The following ROBO2 variants were observed in gnomAD, a reference collection of about 807,000 sequenced individuals.
ROBO2 encodes the protein roundabout homolog 2.
A neutral mutation model predicts 160.8 loss-of-function variants in ROBO2; 53 were observed. That is an observed-to-expected ratio of 0.33 (90% CI 0.26 to 0.41). The LOEUF is 0.41. Among genes scored for constraint, ROBO2 ranks in the 10% least tolerant of loss-of-function variants. The pLI is 1.00. For missense variants in ROBO2, 1,577 were observed against 1,722.4 expected (o/e 0.92, Z 1.49); for synonymous variants, 664 against 611.7 (o/e 1.09, Z -1.26).
At chr3:77,029,755 G>A (rs2063196630) in intron 2 of ROBO2, among the ~76,000 whole-genome samples, 1 of 151,996 alleles carries the variant, frequency 6.6e-6, no homozygotes, top group African/African-American at 2.4e-5. Flanking sequence ...ATACAATTAA[G>A]TTATAATCAG....
chr3:76,194,350 GTAAATATATATATATA>G lies in ROBO2; in HGVS notation c.109+256751_109+256766del, dbSNP rs1445375841. Among the ~76,000 whole-genome samples, 72 of 42,058 alleles carry G rather than the reference GTAAATATATATATATA, an allele frequency of 1.7e-3. 1 individual carries two copies. Among genetic ancestry groups the G allele is most frequent in the Middle Eastern group, 0.012 (1 of 84 alleles). 27.6% of individuals were successfully genotyped at this position (42,058 alleles called of 152,430 possible). ...ATATCTATATAAATATGTATGGTGT[GTAAATATATATATATA>G]TATATATATATATATATATAGTGTG... On this transcript the variant is annotated intron_variant, in intron 2 of 26. Transcript: ENST00000487694.
intron 2 of ROBO2, among the ~76,000 whole-genome samples, chr3:76,527,020 T>C (rs899225271): frequency 6.6e-6 from 1 of 152,088 alleles, no homozygotes; most frequent in Non-Finnish European, 1.5e-5. Context: ...AAAAGGAAAT[T>C]GCTTTATATA....
intron 2 of ROBO2, among the ~76,000 whole-genome samples, chr3:76,432,793 A>G (rs1369236811): frequency 1.3e-5 from 2 of 152,216 alleles, no homozygotes; most frequent in African/African-American, 2.4e-5. Flanking sequence ...GCATAACCGA[A>G]AAAACAGGGC....
At chr3:77,269,116 AT>A (rs201503966) in intron 2 of ROBO2, among the ~76,000 whole-genome samples, 5 of 106,504 alleles carry the variant, frequency 4.7e-5, no homozygotes, top group Admixed American at 2.9e-4. Context: ...AGGTTTCATA[AT>A]TTTTTTTTCC....
chr3:76,757,469 CAG>C (rs1265795038), intron 2 of ROBO2, among the ~76,000 whole-genome samples: 10 of 151,888 alleles, frequency 6.6e-5, no homozygotes, highest in African/African-American at 2.2e-4. Context: ...GTAAAGAAAA[CAG>C]GGGGATGAGT....
chr3:76,603,555 G>A (rs1247579745), intron 2 of ROBO2, among the ~76,000 whole-genome samples: 1 of 151,346 alleles, frequency 6.6e-6, no homozygotes, highest in Non-Finnish European at 1.5e-5. Flanking sequence ...ATGAATAGAT[G>A]GAGTTTTTTT....
intron 2 of ROBO2, among the ~76,000 whole-genome samples, chr3:75,960,435 G>A (rs1197305194): frequency 1.3e-5 from 2 of 151,786 alleles, no homozygotes; most frequent in Non-Finnish European, 2.9e-5. Flanking sequence ...AAGGCTGGAT[G>A]TGCTGGAAGC....
chr3:76,616,938 T>C (rs745378437), intron 2 of ROBO2, among the ~76,000 whole-genome samples: 2 of 152,132 alleles, frequency 1.3e-5, no homozygotes, highest in Non-Finnish European at 2.9e-5. Flanking sequence ...AAAGTTCTTA[T>C]TGTGGCTCAG....
At chr3:76,143,272 C>T (rs2071756159) in intron 2 of ROBO2, among the ~76,000 whole-genome samples, 3 of 152,006 alleles carry the variant, frequency 2.0e-5, no homozygotes, top group African/African-American at 4.8e-5. Context: ...CTCAAGGAGT[C>T]GTCTCTCCTC....
chr3:76,390,185 T>A (rs2077079451), intron 2 of ROBO2, among the ~76,000 whole-genome samples: 1 of 151,746 alleles, frequency 6.6e-6, no homozygotes, highest in Non-Finnish European at 1.5e-5. Context: ...CCCCACACCC[T>A]CCCCCACAAA....
intron 2 of ROBO2, among the ~76,000 whole-genome samples, chr3:77,249,505 G>A (rs192469058): frequency 7.2e-4 from 109 of 152,186 alleles, no homozygotes; most frequent in Non-Finnish European, 1.3e-3. Context: ...ACCTTTAAGA[G>A]GTCCTTAGCT....
intron 2 of ROBO2, among the ~76,000 whole-genome samples, chr3:77,108,632 G>A (rs991866979): frequency 9.2e-5 from 14 of 152,120 alleles, no homozygotes; most frequent in African/African-American, 3.1e-4. Flanking sequence ...TGGTGATGTA[G>A]GGTAGGGGCC....
At chr3:76,216,662 A>G (rs1703554962) in intron 2 of ROBO2, among the ~76,000 whole-genome samples, 1 of 152,314 alleles carries the variant, frequency 6.6e-6, no homozygotes, top group East Asian at 1.9e-4. Context: ...TCATAAAGCA[A>G]GTCCTTAGAG....
intron 2 of ROBO2, among the ~76,000 whole-genome samples, chr3:76,242,269 T>G (rs909057254): frequency 5.3e-5 from 8 of 152,174 alleles, no homozygotes; most frequent in African/African-American, 1.9e-4. Flanking sequence ...AAAACACAAC[T>G]GCCCCCTTCT....
At chr3:77,524,480 T>C (rs1232815263) in intron 6 of ROBO2, among the ~76,000 whole-genome samples, 1 of 151,268 alleles carries the variant, frequency 6.6e-6, no homozygotes, top group East Asian at 1.9e-4. Context: ...CTAAAGTAAA[T>C]GGAAAATAAT....
At chr3:76,287,763 A>C (rs1396944243) in intron 2 of ROBO2, among the ~76,000 whole-genome samples, 1 of 152,248 alleles carries the variant, frequency 6.6e-6, no homozygotes, top group East Asian at 1.9e-4. Context: ...TAAAATAAAG[A>C]TGATCAATCT....
intron 2 of ROBO2, among the ~76,000 whole-genome samples, chr3:75,991,520 G>A (rs2065569587): frequency 6.6e-6 from 1 of 152,122 alleles, no homozygotes. Flanking sequence ...CACCATGACT[G>A]TGAGGCCTCC....
chr3:77,619,309 G>C (rs1165224104), intron 22 of ROBO2, among the ~76,000 whole-genome samples: 1 of 152,148 alleles, frequency 6.6e-6, no homozygotes, highest in Non-Finnish European at 1.5e-5. Context: ...CCAAGTACAA[G>C]TTTCAAGGGT....
intron 2 of ROBO2, among the ~76,000 whole-genome samples, chr3:77,441,737 A>G (rs557054817): frequency 1.3e-5 from 2 of 152,294 alleles, no homozygotes; most frequent in South Asian, 4.1e-4. Context: ...TACCTCTCCT[A>G]GAAAAAAACC....
Sources: allele counts gnomAD v4.1 joint callset (sites outside exome capture counted in the v4.1 genomes callset), GRCh38; gene constraint gnomAD v4.1.1; transcripts MANE v1.5; gene names NCBI Gene and HGNC (gene_info 2026-07-23, HGNC 2026-07-21).